SLCO3A1: variants seen among roughly 807,000 people sequenced by gnomAD.
SLCO3A1 encodes the protein solute carrier organic anion transporter family member 3A1.
In SLCO3A1, 27 loss-of-function variants were observed where a neutral mutation model predicts 63.1. The ratio of observed to expected loss-of-function variants is 0.43; its 90% CI spans 0.32 to 0.59. The LOEUF (loss-of-function observed/expected upper bound fraction) is 0.59, where lower values mean the gene tolerates loss of function less well. Among genes scored for constraint, SLCO3A1 ranks in the 20% least tolerant of loss-of-function variants. The pLI, the probability that SLCO3A1 is intolerant of heterozygous loss-of-function variation, is 0.09. For synonymous variants in SLCO3A1, 473 were observed against 409.9 expected, an observed-to-expected ratio of 1.15 and a Z score of -1.86; for missense variants, 773 against 945.8, an observed-to-expected ratio of 0.82 and a Z score of 2.40.
intron 4 of SLCO3A1, among the ~76,000 whole-genome samples, chr15:92,110,688 T>A (rs1180113806): frequency 6.6e-6 from 1 of 151,392 alleles, no homozygotes. Flanking sequence ...AATTGTCCTT[T>A]ATTCACTTAC....
At chr15:92,034,323 G>A (rs1038384644) in intron 2 of SLCO3A1, among the ~76,000 whole-genome samples, 2 of 151,156 alleles carry the variant, frequency 1.3e-5, no homozygotes, top group Non-Finnish European at 3.0e-5. Context: ...GCTGCCAATG[G>A]ATGGGGATGG....
At chr15:92,114,845 A>G (rs2047774323) in intron 4 of SLCO3A1, among the ~76,000 whole-genome samples, 1 of 152,096 alleles carries the variant, frequency 6.6e-6, no homozygotes, top group South Asian at 2.1e-4. Flanking sequence ...CTTAGTTCAA[A>G]TCCACCCTCC....
At chr15:91,871,765 G>GTTTTTTTTTTTTTTTTTTTTTTTTGTTT (rs33938693) in intron 1 of SLCO3A1, among the ~76,000 whole-genome samples, 2 of 45,688 alleles carry the variant, frequency 4.4e-5, no homozygotes, top group African/African-American at 9.1e-5. Context: ...TTTTTTTTTG[G>GTTTTTTTTTTTTTTTTTTTTTTTTGTTT]TTTTTTTTTT....
intron 3 of SLCO3A1, among the ~76,000 whole-genome samples, chr15:92,100,024 C>G (rs1156683976): frequency 1.3e-5 from 2 of 151,406 alleles, no homozygotes; most frequent in African/African-American, 4.9e-5. Flanking sequence ...TGAGATCTCA[C>G]CACTGCACTA....
At chr15:91,951,835 G>A (rs1021773295) in intron 2 of SLCO3A1, among the ~76,000 whole-genome samples, 4 of 152,120 alleles carry the variant, frequency 2.6e-5, no homozygotes, top group Admixed American at 2.0e-4. Flanking sequence ...GATTATAGGC[G>A]TGAGCCACCG....
intron 2 of SLCO3A1, among the ~76,000 whole-genome samples, chr15:92,063,418 G>C (rs1455199634): frequency 6.6e-6 from 1 of 152,112 alleles, no homozygotes; most frequent in Non-Finnish European, 1.5e-5. Flanking sequence ...CAAGTGACCT[G>C]GACATGTGTC....
chr15:92,044,525 T>G (rs1462093612), intron 2 of SLCO3A1, among the ~76,000 whole-genome samples: 2 of 152,040 alleles, frequency 1.3e-5, no homozygotes, highest in Non-Finnish European at 2.9e-5. Context: ...GGACAGGAAG[T>G]CTTCCTAGAT....
At position 91,941,930 on chromosome 15, in the gene SLCO3A1, G is replaced by T. The variant is rs991203124; in HGVS notation, c.646+25472G>T. On this transcript the variant is annotated intron_variant, in intron 2 of 9. Coordinates refer to ENST00000318445, the MANE Select transcript of SLCO3A1 (RefSeq NM_013272.4). This position sits in a 1 kb window ranked among gnomAD's most constrained non-coding sequence, Gnocchi z 4.4. ...GGCAGCTCTCAGGCTACAAATGGGG[G>T]CTTGCACCAGCGTACTGGCTGAGGA... Among the ~76,000 whole-genome samples the T allele has an allele frequency of 6.6e-6, 1 of 152,162 alleles. No homozygotes were observed. Among genetic ancestry groups the T allele is most frequent in the South Asian group, 2.1e-4 (1 of 4,834 alleles).
Position 91,954,370 on chromosome 15 carries a change from C to A in SLCO3A1, c.646+37912C>A, listed in dbSNP as rs1900098827. 6.6e-6 allele frequency among the ~76,000 whole-genome samples: 1 copy of A among 152,216 alleles called. No individual in the cohort carries two copies. The highest frequency in any genetic ancestry group is 2.1e-4 in the South Asian group (1 of 4,838). On this transcript the variant is annotated intron_variant, in intron 2 of 9. Coordinates refer to ENST00000318445, the MANE Select transcript of SLCO3A1 (RefSeq NM_013272.4). The surrounding 1 kb of genome is among the most constrained non-coding windows in gnomAD (Gnocchi z 4.7). Reference sequence around the variant, plus strand: ...TCTGCAGGACGGGCACTGTGCTGAGCCTCAGCCAGGCGGAGACGGGCGGGT... The same window carrying A: ...TCTGCAGGACGGGCACTGTGCTGAGACTCAGCCAGGCGGAGACGGGCGGGT...
rs1369113424 is a variant in SLCO3A1 at position 91,916,453 on chromosome 15, A to G, written c.641A>G (p.Tyr214Cys). The change falls in exon 2 of 10, where the codon TAT (tyrosine) becomes TGT (cysteine). Residue 214 changes from tyrosine (Y) to cysteine (C), a missense_variant. By Grantham distance (194) the Tyr-to-Cys change is radical. Around this residue, in one of 3 missense-constraint regions of SLCO3A1, gnomAD observed 565 missense variants for 749.8 expected, o/e 0.75. Transcript: ENST00000318445. The surrounding 1 kb of genome is among the most constrained non-coding windows in gnomAD (Gnocchi z 6.2). The stretch of plus-strand genomic sequence containing the variant: ...GTGCGGAGGAAGGACTCCTCGCTCT[A>G]TATAGGTAGGAGCTGCCCCAGCCGT... ...DHVRRKDSSL[Y>C]IGILFTMLVF... 11 of 1,603,152 alleles carry G rather than the reference A, an allele frequency of 6.9e-6. No individual in the cohort carries two copies. In the African/African-American group the frequency reaches 9.4e-5, roughly 14 times the overall value.
rs1452840473 is a variant in SLCO3A1 at position 92,104,528 on chromosome 15, T to G, written c.995T>G (p.Phe332Cys). The G allele has an allele frequency of 6.2e-7, 1 of 1,613,460 alleles. No individual in the cohort carries two copies. Among genetic ancestry groups the G allele is most frequent in the African/African-American group, 1.3e-5 (1 of 75,012 alleles). ...PLEPDSSASC[F>C]QQLRVIPKVT... ...GAGCCAGACAGCAGTGCCTCCTGTT[T>G]CCAGCAGCTGAGAGGTAAAGGTGGC... Residue 332 changes from phenylalanine to cysteine, a missense_variant, in exon 4 of 10, where the codon TTC (phenylalanine) becomes TGC (cysteine). By Grantham distance (205) the Phe-to-Cys change is radical. Around this residue, in one of 3 missense-constraint regions of SLCO3A1, gnomAD observed 565 missense variants for 749.8 expected, o/e 0.75. Coordinates refer to ENST00000318445, the MANE Select transcript of SLCO3A1 (RefSeq NM_013272.4).
intron 2 of SLCO3A1, among the ~76,000 whole-genome samples, chr15:92,080,753 A>C (rs1460283673): frequency 2.0e-5 from 3 of 152,008 alleles, no homozygotes; most frequent in Non-Finnish European, 2.9e-5. Context: ...GCTTTACGAG[A>C]GATTTGGGTT....
chr15:92,106,505 T>C (rs1399632442), intron 4 of SLCO3A1, among the ~76,000 whole-genome samples: 1 of 152,114 alleles, frequency 6.6e-6, no homozygotes, highest in African/African-American at 2.4e-5. Flanking sequence ...TGGGCAGGCA[T>C]GAGAGTGTGG....
chr15:91,933,814 T>C (rs1899315181), intron 2 of SLCO3A1, among the ~76,000 whole-genome samples: 1 of 152,246 alleles, frequency 6.6e-6, no homozygotes, highest in Non-Finnish European at 1.5e-5. Context: ...GTAGCAGAAC[T>C]TGAATACAGT....
At chr15:92,123,544 T>C (rs2047888078) in intron 5 of SLCO3A1, among the ~76,000 whole-genome samples, 1 of 152,224 alleles carries the variant, frequency 6.6e-6, no homozygotes, top group Admixed American at 6.5e-5. Flanking sequence ...AAGAACTCTC[T>C]ACCACCCACC....
chr15:92,041,663 A>T (rs528507545), intron 2 of SLCO3A1, among the ~76,000 whole-genome samples: 2 of 152,120 alleles, frequency 1.3e-5, no homozygotes, highest in African/African-American at 4.8e-5. Context: ...AATCTGAGGG[A>T]TCTTCCACTT....
At chr15:92,150,557 A>G (rs2048291178) in intron 8 of SLCO3A1, among the ~76,000 whole-genome samples, 1 of 152,178 alleles carries the variant, frequency 6.6e-6, no homozygotes, top group African/African-American at 2.4e-5. Context: ...TTTGTGAAGG[A>G]TAAGGGGAAT....
chr15:91,896,139 T>A (rs1341698208), intron 1 of SLCO3A1, among the ~76,000 whole-genome samples: 1 of 152,236 alleles, frequency 6.6e-6, no homozygotes, highest in Non-Finnish European at 1.5e-5. Context: ...TTAAGAGTCC[T>A]TAATGAAATA....
chr15:92,005,519 G>A (rs1308799141), intron 2 of SLCO3A1, among the ~76,000 whole-genome samples: 1 of 152,212 alleles, frequency 6.6e-6, no homozygotes, highest in Admixed American at 6.5e-5. Context: ...CAGGTTTCAA[G>A]GCAAGCGTGA....
Sources: allele counts gnomAD v4.1 joint callset (sites outside exome capture counted in the v4.1 genomes callset), GRCh38; gene constraint gnomAD v4.1.1; regional missense constraint gnomAD v4.1.1; non-coding constraint Gnocchi (gnomAD v3.1); transcripts MANE v1.5; gene names NCBI Gene and HGNC (gene_info 2026-07-23, HGNC 2026-07-21).